Variants in TTC28 observed in about 807,000 individuals in gnomAD.
TTC28 encodes tetratricopeptide repeat domain 28.
TTC28 carries 61 observed loss-of-function variants against 198.0 expected under a neutral mutation model. That is an observed-to-expected ratio of 0.31 (90% CI 0.25 to 0.38). The LOEUF is 0.38. Among genes scored for constraint, TTC28 ranks in the 10% least tolerant of loss-of-function variants. TTC28 has a pLI of 1.00. For synonymous variants in TTC28, 1,171 were observed against 1,297.8 expected (o/e 0.90, Z 2.10); for missense variants, 2,678 against 3,164.0 (o/e 0.85, Z 3.69).
chr22:28,274,755 G>A (rs1048401286), intron 5 of TTC28, among the ~76,000 whole-genome samples: 9 of 151,984 alleles, frequency 5.9e-5, no homozygotes, highest in African/African-American at 1.9e-4. Flanking sequence ...CGAGGCGGGC[G>A]GATCACCTGA....
chr22:27,992,396 TGGAAACAGCAG>T, intron 19 of TTC28, 180 bp downstream of exon 19: 1 of 621,962 alleles, frequency 1.6e-6, no homozygotes, highest in Non-Finnish European at 2.8e-6. Flanking sequence ...GCATCGCAGA[TGGAAACAGCAG>T]GTAAACAGCA....
chr22:28,059,665 G>A (rs1940431700), intron 12 of TTC28, among the ~76,000 whole-genome samples: 1 of 151,904 alleles, frequency 6.6e-6, no homozygotes, highest in African/African-American at 2.4e-5. Flanking sequence ...AAATACAACT[G>A]CAGAAATATC....
At chr22:28,080,509 T>C (rs1941307511) in intron 12 of TTC28, among the ~76,000 whole-genome samples, 1 of 152,176 alleles carries the variant, frequency 6.6e-6, no homozygotes, top group African/African-American at 2.4e-5. Flanking sequence ...ACTTAGGTCC[T>C]TTGCCCATTT....
intron 1 of TTC28, among the ~76,000 whole-genome samples, chr22:28,633,673 A>T (rs1043772160): frequency 6.6e-6 from 1 of 152,190 alleles, no homozygotes; most frequent in African/African-American, 2.4e-5. Context: ...CAATGCCAAC[A>T]CAGATAAGAA....
At chr22:28,120,886 G>A (rs1217466983) in intron 6 of TTC28, among the ~76,000 whole-genome samples, 2 of 152,170 alleles carry the variant, frequency 1.3e-5, no homozygotes, top group Non-Finnish European at 2.9e-5. Context: ...CAAACTCTAT[G>A]ATTGTGTGAA....
At chr22:28,386,159 T>C (rs904528071) in intron 2 of TTC28, among the ~76,000 whole-genome samples, 2 of 148,896 alleles carry the variant, frequency 1.3e-5, no homozygotes, top group Non-Finnish European at 3.0e-5. Context: ...CCTGTAGTCC[T>C]AGCTACTTGG....
chr22:28,338,273 T>C (rs1422867195), intron 2 of TTC28, among the ~76,000 whole-genome samples: 1 of 152,212 alleles, frequency 6.6e-6, no homozygotes, highest in Non-Finnish European at 1.5e-5. Flanking sequence ...GCCCTTAACA[T>C]TTTTTCCTTC....
At position 28,363,208 on chromosome 22, in the gene TTC28, C is replaced by G. The variant is rs540708552; in HGVS notation, c.382-56565G>C. ...CCAGGGTCCCTCTGCTGTGTATAGT[C>G]TAGGGACTTAGTGCCCTGTGTCCCA... On this transcript the variant is annotated intron_variant, in intron 2 of 22. Transcript: ENST00000397906. Among the ~76,000 whole-genome samples, 4 of 152,218 alleles carry G rather than the reference C, an allele frequency of 2.6e-5. No individual in the cohort carries two copies. In the East Asian group the frequency reaches 7.7e-4, roughly 29 times the overall value.
intron 2 of TTC28, among the ~76,000 whole-genome samples, chr22:28,418,438 A>C (rs569081939): frequency 6.6e-6 from 1 of 152,336 alleles, no homozygotes; most frequent in South Asian, 2.1e-4. Context: ...ACATGCTACA[A>C]AAAACGCTTA....
chr22:28,175,864 A>C (rs1923119767), intron 5 of TTC28, among the ~76,000 whole-genome samples: 1 of 152,228 alleles, frequency 6.6e-6, no homozygotes, highest in Admixed American at 6.5e-5. Flanking sequence ...TCAAAACCAC[A>C]ATGAAATACC....
chr22:28,622,987 A>G (rs2051024365), intron 2 of TTC28, among the ~76,000 whole-genome samples: 1 of 151,230 alleles, frequency 6.6e-6, no homozygotes, highest in Non-Finnish European at 1.5e-5. Flanking sequence ...ACACCGAGCT[A>G]ATTTTTGTAT....
chr22:28,263,660 T>C (rs1028269070), intron 5 of TTC28, among the ~76,000 whole-genome samples: 1 of 152,136 alleles, frequency 6.6e-6, no homozygotes. Flanking sequence ...TGTGCATTTT[T>C]AATGGGGTGA....
At position 28,207,567 on chromosome 22, in the gene TTC28, T is replaced by C. The variant is rs534869159; in HGVS notation, c.934-43968A>G. Among the ~76,000 whole-genome samples, 11 of 152,312 alleles carry C rather than the reference T, an allele frequency of 7.2e-5. No homozygotes were observed. In the East Asian group the frequency reaches 2.1e-3, roughly 29 times the overall value. On this transcript the variant is annotated intron_variant, in intron 5 of 22. Coordinates refer to ENST00000397906, the MANE Select transcript of TTC28 (RefSeq NM_001145418.2). Reference sequence around the variant, plus strand: ...TCTGACTCTTACAGTTTCTTAACTATGTAAACCCATAATGGAGTACCCAGA... The same window carrying C: ...TCTGACTCTTACAGTTTCTTAACTACGTAAACCCATAATGGAGTACCCAGA...
At chr22:28,041,718 C>T (rs1247665464) in intron 12 of TTC28, among the ~76,000 whole-genome samples, 1 of 152,014 alleles carries the variant, frequency 6.6e-6, no homozygotes, top group Non-Finnish European at 1.5e-5. Flanking sequence ...GCAACAAAAG[C>T]CAAAATTGAC....
chr22:28,232,546 T>C (rs1053853582), intron 5 of TTC28, among the ~76,000 whole-genome samples: 1 of 152,172 alleles, frequency 6.6e-6, no homozygotes, highest in African/African-American at 2.4e-5. Flanking sequence ...ATATGCTCCC[T>C]TTCTCTTAAC....
chr22:28,154,018 G>A (rs135648), intron 6 of TTC28, among the ~76,000 whole-genome samples: 44,151 of 152,060 alleles, frequency 0.29, 8,231 homozygotes, highest in African/African-American at 0.54. Context: ...CAGAGAGAGA[G>A]AGAGAGAGGA....
chr22:28,142,729 T>C (rs1224317879), intron 6 of TTC28, among the ~76,000 whole-genome samples: 4 of 152,208 alleles, frequency 2.6e-5, no homozygotes, highest in Non-Finnish European at 5.9e-5. Context: ...GTTGGACTTT[T>C]CTGACATGCC....
chr22:28,591,040 CATATATATATATATATATATATAT>C (rs377761638), intron 2 of TTC28, among the ~76,000 whole-genome samples: 2 of 30,754 alleles, frequency 6.5e-5, no homozygotes, highest in African/African-American at 3.2e-4. Flanking sequence ...CACACACACA[CATATATATATATATATATATATAT>C]ATATATATAT....
intron 1 of TTC28, 58 bp downstream of exon 1, chr22:28,679,564 T>C: frequency 1.7e-6 from 2 of 1,147,746 alleles, no homozygotes; most frequent in Non-Finnish European, 2.4e-6. Flanking sequence ...CCGGCCCGGC[T>C]CCCACCGCCG....
Sources: allele counts gnomAD v4.1 joint callset (sites outside exome capture counted in the v4.1 genomes callset), GRCh38; gene constraint gnomAD v4.1.1; transcripts MANE v1.5; gene names NCBI Gene and HGNC (gene_info 2026-07-23, HGNC 2026-07-21).